Variants in VAT1L observed in about 807,000 individuals in gnomAD.
The protein encoded by VAT1L is vesicle amine transport 1 like.
A neutral mutation model predicts 44.1 loss-of-function variants in VAT1L; 34 were observed. The ratio of observed to expected loss-of-function variants is 0.77; its 90% confidence interval spans 0.59 to 1.03. The LOEUF is 1.03. VAT1L is among the 50% of genes least tolerant of loss of function. VAT1L has a pLI of 0.00. For missense variants in VAT1L, 615 were observed against 538.8 expected, an observed-to-expected ratio of 1.14 and a Z score of -1.40; for synonymous variants, 253 against 202.2, an observed-to-expected ratio of 1.25 and a Z score of -2.13.
At chr16:77,968,215 G>C (rs548028286) in intron 7 of VAT1L, among the ~76,000 whole-genome samples, 23 of 152,236 alleles carry the variant, frequency 1.5e-4, no homozygotes, top group Admixed American at 6.5e-4. Flanking sequence ...GCTGCAATTG[G>C]GGTGTTACAG....
At chr16:77,927,762 G>C (rs12446948) in intron 7 of VAT1L, among the ~76,000 whole-genome samples, 1 of 151,822 alleles carries the variant, frequency 6.6e-6, no homozygotes, top group Non-Finnish European at 1.5e-5. Context: ...CCAGCTACTC[G>C]GGAGGATGAG....
intron 7 of VAT1L, among the ~76,000 whole-genome samples, chr16:77,940,466 C>G (rs367909134): frequency 6.6e-6 from 1 of 151,422 alleles, no homozygotes. Context: ...GCCTCAGCCT[C>G]CTGAGTAGCT....
intron 4 of VAT1L, among the ~76,000 whole-genome samples, chr16:77,870,168 T>G (rs1275728869): frequency 2.6e-5 from 4 of 152,186 alleles, no homozygotes; most frequent in Non-Finnish European, 5.9e-5. Flanking sequence ...CTGGGTGCTG[T>G]GCTTGGCACT....
intron 4 of VAT1L, among the ~76,000 whole-genome samples, chr16:77,867,983 CAACTT>C (rs2016993066): frequency 6.6e-6 from 1 of 152,228 alleles, no homozygotes; most frequent in African/African-American, 2.4e-5. Context: ...AGATGCTTCT[CAACTT>C]AAAGTGGAGT....
intron 7 of VAT1L, among the ~76,000 whole-genome samples, chr16:77,967,409 A>ATGG (rs1320892539): frequency 6.6e-6 from 1 of 152,246 alleles, no homozygotes; most frequent in Non-Finnish European, 1.5e-5. Context: ...AGGGCCTCAT[A>ATGG]TGGTGGCCTA....
chr16:77,806,945 G>A (rs2016171438), intron 1 of VAT1L, among the ~76,000 whole-genome samples: 1 of 152,118 alleles, frequency 6.6e-6, no homozygotes, highest in South Asian at 2.1e-4. Context: ...GGAGCAAGAG[G>A]CACGCCCATT....
chr16:77,902,724 T>TGGGG (rs781136967), intron 7 of VAT1L, among the ~76,000 whole-genome samples: 1 of 1,986 alleles, frequency 5.0e-4, no homozygotes. Context: ...GGGAGGCCGA[T>TGGGG]GGGGGGGTGG....
In VAT1L at chr16:77,828,332, A is replaced by T. The variant is rs375193180; in HGVS notation, c.579+2871A>T. On this transcript the variant is annotated intron_variant, in intron 3 of 8. Coordinates refer to ENST00000302536, the MANE Select transcript of VAT1L (RefSeq NM_020927.3). ...TGAGATAGGGAGGTTATCCTGCGTT[A>T]TTCAGGATGACCCAGTGTCATCACA... Among the ~76,000 whole-genome samples the T allele has an allele frequency of 1.5e-4, 23 of 152,352 alleles. No individual in the cohort carries two copies. The East Asian group carries it at 4.4e-3, about 29-fold the overall frequency.
At chr16:77,858,352 G>A (rs919025166) in intron 3 of VAT1L, among the ~76,000 whole-genome samples, 2 of 152,186 alleles carry the variant, frequency 1.3e-5, no homozygotes, top group African/African-American at 4.8e-5. Flanking sequence ...GGAAACTGGC[G>A]TTGATGCTAA....
intron 7 of VAT1L, chr16:77,892,681 C>T (rs142736493): frequency 3.1e-4 from 227 of 725,758 alleles, no homozygotes; most frequent in African/African-American, 3.0e-3. Context: ...ATGATGAGAA[C>T]TTCATCCTAA....
At chr16:77,867,977 G>T (rs924543474) in intron 4 of VAT1L, among the ~76,000 whole-genome samples, 1 of 152,036 alleles carries the variant, frequency 6.6e-6, no homozygotes, top group South Asian at 2.1e-4. Context: ...CTGTACAGAT[G>T]CTTCTCAACT....
Position 77,978,905 on chromosome 16 carries a change from CAG to C in VAT1L, c.*1213_*1214del, listed in dbSNP as rs1021162409. The C allele has an allele frequency of 2.0e-5, 3 of 152,196 alleles. No homozygotes were observed. The highest frequency in any genetic ancestry group is 7.2e-5 in the African/African-American group (3 of 41,448). The allele number at this position is 152,196 out of a possible 1,614,324, so 9.4% of individuals were successfully genotyped here. On this transcript the variant is annotated 3_prime_UTR_variant, in exon 9 of 9. Transcript: ENST00000302536. ...GGTGAATACAGTTACCTTCGAGAAA[CAG>C]AGGGAGCTCCTCACCCCGTCCTTCC...
chr16:77,830,606 A>G (rs2016568677), intron 3 of VAT1L, among the ~76,000 whole-genome samples: 2 of 152,208 alleles, frequency 1.3e-5, no homozygotes, highest in African/African-American at 4.8e-5. Context: ...CATGTAAGAC[A>G]TGACTTTGGT....
At chr16:77,859,647 A>G (rs957910993) in intron 3 of VAT1L, among the ~76,000 whole-genome samples, 4 of 152,210 alleles carry the variant, frequency 2.6e-5, no homozygotes, top group African/African-American at 7.2e-5. Context: ...GTGTTGTCAT[A>G]GTCCAGGGTG....
chr16:77,840,431 C>G (rs765511818), intron 3 of VAT1L, among the ~76,000 whole-genome samples: 1 of 152,112 alleles, frequency 6.6e-6, no homozygotes, highest in African/African-American at 2.4e-5. Context: ...TAGCATAAAG[C>G]TAGTAGTTAG....
chr16:77,972,536 T>C (rs1206180748), intron 8 of VAT1L, among the ~76,000 whole-genome samples: 4 of 152,228 alleles, frequency 2.6e-5, no homozygotes, highest in Middle Eastern at 3.4e-3. Context: ...ATCCCAGCAC[T>C]TGGGGAGGCT....
At chr16:77,889,053 G>A (rs2017237385) in intron 7 of VAT1L, among the ~76,000 whole-genome samples, 1 of 152,172 alleles carries the variant, frequency 6.6e-6, no homozygotes, top group Non-Finnish European at 1.5e-5. Flanking sequence ...CTGGGCTTGA[G>A]GAGAGTGTAA....
intron 1 of VAT1L, among the ~76,000 whole-genome samples, chr16:77,789,513 C>T (rs183773929): frequency 9.9e-5 from 15 of 152,244 alleles, no homozygotes; most frequent in African/African-American, 3.6e-4. Flanking sequence ...TCCTGAAGGG[C>T]CTGGGACAGG....
At chr16:77,898,232 C>T (rs949253946) in intron 7 of VAT1L, among the ~76,000 whole-genome samples, 7 of 152,126 alleles carry the variant, frequency 4.6e-5, no homozygotes, top group Non-Finnish European at 7.4e-5. Flanking sequence ...ATAATCTCAT[C>T]TTAACTAATT....
Sources: allele counts gnomAD v4.1 joint callset (sites outside exome capture counted in the v4.1 genomes callset), GRCh38; gene constraint gnomAD v4.1.1; transcripts MANE v1.5; gene names NCBI Gene and HGNC (gene_info 2026-07-23, HGNC 2026-07-21).